NDUFAF7: variants seen among roughly 807,000 people sequenced by gnomAD.
NDUFAF7 encodes the protein NADH:ubiquinone oxidoreductase complex assembly factor 7.
Under a neutral mutation model 47.2 loss-of-function variants are expected in NDUFAF7, and 48 were observed. The ratio of observed to expected loss-of-function variants is 1.02; its 90% confidence interval spans 0.81 to 1.29. The LOEUF is 1.29. Among genes scored for constraint, NDUFAF7 ranks in the 50% most tolerant of loss-of-function variants. The probability of loss-of-function intolerance (pLI) is 0.00; values close to 1 mark genes in which losing one functional copy is unlikely to be tolerated. For missense variants in NDUFAF7, 635 were observed against 537.6 expected, an observed-to-expected ratio of 1.18 and a Z score of -1.79; for synonymous variants, 217 against 190.0, an observed-to-expected ratio of 1.14 and a Z score of -1.17.
chr2:37,249,558 G>GACAC (rs56374800), downstream of NDUFAF7, among the ~76,000 whole-genome samples: 4,957 of 127,988 alleles, frequency 0.039, 146 homozygotes, highest in Non-Finnish European at 0.048. Context: ...GCCTGTGATA[G>GACAC]ACACACACAC....
chr2:37,270,860 A>C, the NDUFAF7 span, among the ~76,000 whole-genome samples: 6 of 152,338 alleles, frequency 3.9e-5, no homozygotes, highest in African/African-American at 1.4e-4. Context: ...GTATGTGTAT[A>C]TATATTTGTT....
chr2:37,256,560 A>C (rs892974884), downstream of NDUFAF7: 6 of 1,347,392 alleles, frequency 4.5e-6, no homozygotes, highest in Middle Eastern at 2.7e-4. Flanking sequence ...TGTACTAAAA[A>C]GATAAGTTGC....
In NDUFAF7 at chr2:37,242,053, C is replaced by A. The variant is rs1666405920; in HGVS notation, c.622+262C>A. 3 of 511,952 alleles carry A rather than the reference C, an allele frequency of 5.9e-6. No homozygotes were observed. In the Admixed American group the frequency reaches 1.0e-4, roughly 18 times the overall value. 31.7% of individuals were successfully genotyped at this position (511,952 alleles called of 1,614,324 possible). On this transcript the variant is annotated intron_variant, in intron 5 of 9. Transcript: ENST00000002125. The stretch of plus-strand genomic sequence containing the variant: ...TCTCCTTTGTACTTTTGAGTATTTC[C>A]CTATAGCTAGGGTTGTACCGATGAC...
chr2:37,260,695 T>A, the NDUFAF7 span, among the ~76,000 whole-genome samples: 1 of 152,218 alleles, frequency 6.6e-6, no homozygotes, highest in Admixed American at 6.5e-5. Flanking sequence ...TTTCATGCTT[T>A]CCCTGAATAG....
chr2:37,267,415 A>AT, the NDUFAF7 span: 219 of 1,504,674 alleles, frequency 1.5e-4, no homozygotes, highest in Non-Finnish European at 1.9e-4. Context: ...CCAGTTTTTT[A>AT]TTTTTTATTT....
chr2:37,242,451 T>G, intron 5 of NDUFAF7, 184 bp from the exon 6 acceptor site: 1 of 503,802 alleles, frequency 2.0e-6, no homozygotes, highest in South Asian at 2.8e-5. Flanking sequence ...ACCCCATTTA[T>G]GTGTAAAATA....
At chr2:37,237,009 T>G (rs1665862895) in intron 3 of NDUFAF7, among the ~76,000 whole-genome samples, 1 of 152,178 alleles carries the variant, frequency 6.6e-6, no homozygotes, top group South Asian at 2.1e-4. Context: ...TTGCTCTTAT[T>G]GCCCAGGCTG....
At chr2:37,256,779 T>C (rs1054308278), downstream of NDUFAF7, 30 of 1,614,016 alleles carry the variant, frequency 1.9e-5, no homozygotes, top group Non-Finnish European at 2.5e-5. Flanking sequence ...CTCACATAGA[T>C]GATAACTCCC....
At position 37,241,718 on chromosome 2, in the gene NDUFAF7, A is replaced by T; in HGVS notation, c.549A>T (p.Pro183=). The T allele has an allele frequency of 3.1e-6, 5 of 1,614,078 alleles. No individual in the cohort carries two copies. Among genetic ancestry groups the T allele is most frequent in the Non-Finnish European group, 3.4e-6 (4 of 1,180,000 alleles). ...KVPLERNAGS[P]VYMKGVTKSG... is the part of the protein sequence containing the mutation. ...CGTTAGAGCGAAATGCTGGATCCCC[A>T]GTGTATATGAAAGGTGTCACTAAGT... The change falls in exon 5 of 10, where the codon CCA becomes CCT. Residue 183 remains proline (P), a synonymous_variant. Transcript: ENST00000002125.
At chr2:37,256,762 A>C, downstream of NDUFAF7, 1 of 1,612,416 alleles carries the variant, frequency 6.2e-7, no homozygotes, top group Non-Finnish European at 8.5e-7. Flanking sequence ...GAAATGTGCC[A>C]CTGAGGCTCA....
chr2:37,236,790 AAAAG>A (rs1474440773), intron 3 of NDUFAF7, among the ~76,000 whole-genome samples: 3 of 151,784 alleles, frequency 2.0e-5, no homozygotes, highest in South Asian at 2.1e-4. Context: ...CAAAAAAAAA[AAAAG>A]AGAATGGAAG....
intron 6 of NDUFAF7, 120 bp from the exon 7 acceptor site, chr2:37,243,743 T>C (rs1401010288): frequency 4.1e-6 from 3 of 730,678 alleles, no homozygotes; most frequent in East Asian, 2.7e-5. Flanking sequence ...TAATTTTAAA[T>C]AGTAAGTTCT....
chr2:37,243,454 A>G (rs1018069524), intron 6 of NDUFAF7, among the ~76,000 whole-genome samples: 5 of 152,202 alleles, frequency 3.3e-5, no homozygotes, highest in Admixed American at 3.3e-4. Flanking sequence ...CTTGTCTCAA[A>G]AAAAAAATAA....
Position 37,236,084 on chromosome 2 carries a change from C to A in NDUFAF7, c.217-12C>A. 1 of 1,603,932 alleles carries A rather than the reference C, an allele frequency of 6.2e-7. No homozygotes were observed. Among genetic ancestry groups the A allele is most frequent in the Non-Finnish European group, 8.5e-7 (1 of 1,170,972 alleles). ...AATTAATTTTGTTTCTCTATTTTCTCTTTTTACTCAGGGTTATTATGTGTA... is the reference window on the plus strand; with the variant it reads ...AATTAATTTTGTTTCTCTATTTTCTATTTTTACTCAGGGTTATTATGTGTA... On this transcript the variant is annotated splice_polypyrimidine_tract_variant and intron_variant, in intron 2 of 9. Transcript: ENST00000002125.
chr2:37,259,959 G>C, the NDUFAF7 span, among the ~76,000 whole-genome samples: 1 of 152,160 alleles, frequency 6.6e-6, no homozygotes, highest in Non-Finnish European at 1.5e-5. Context: ...GAGGCAAGGA[G>C]TTCGAGACCA....
downstream of NDUFAF7, chr2:37,252,366 C>T (rs1667567176): frequency 6.6e-6 from 1 of 152,192 alleles, no homozygotes; most frequent in Non-Finnish European, 1.5e-5. Flanking sequence ...TCAGTCAGAA[C>T]ATGCATATTT....
chr2:37,259,626 T>G, the NDUFAF7 span: 2 of 1,613,648 alleles, frequency 1.2e-6, no homozygotes, highest in Non-Finnish European at 1.7e-6. Context: ...ATTTTCTGGC[T>G]TTAAATCACA....
chr2:37,245,273 C>G (rs1055112429), intron 7 of NDUFAF7, among the ~76,000 whole-genome samples: 1 of 152,084 alleles, frequency 6.6e-6, no homozygotes, highest in African/African-American at 2.4e-5. Context: ...TACTGCATTT[C>G]TATAATAAGG....
At position 37,237,760 on chromosome 2, in the gene NDUFAF7, C is replaced by A; in HGVS notation, c.301C>A (p.Leu101Ile). The A allele has an allele frequency of 6.3e-7, 1 of 1,590,268 alleles. No individual in the cohort carries two copies. Among genetic ancestry groups the A allele is most frequent in the Non-Finnish European group, 8.6e-7 (1 of 1,158,912 alleles). Residue 101 changes from leucine to isoleucine, a missense_variant, in exon 4 of 10, where the codon CTA (leucine) becomes ATA (isoleucine). Leu to Ile is a conservative substitution (Grantham distance 5). Transcript: ENST00000002125. ...TTTTTTTTTTCCCTTTTCACAGCTA[C>A]TAGGTATATGGTTCATTAGTGAATG... ...PEISQIFGELLGIWFISEWMA... is the reference protein window; with the variant it reads ...PEISQIFGELIGIWFISEWMA...
Sources: allele counts gnomAD v4.1 joint callset (sites outside exome capture counted in the v4.1 genomes callset), GRCh38; gene constraint gnomAD v4.1.1; transcripts MANE v1.5; gene names NCBI Gene and HGNC (gene_info 2026-07-23, HGNC 2026-07-21).